Variants in EFL1 observed in about 807,000 individuals in gnomAD.
EFL1 encodes elongation factor-like GTPase 1.
In EFL1, 76 loss-of-function variants were observed where a neutral mutation model predicts 126.7. That is an observed-to-expected ratio of 0.60 (90% CI 0.50 to 0.73). The LOEUF is 0.73. EFL1 is among the 30% of genes least tolerant of loss of function. The pLI is 0.00. For missense variants in EFL1, 1,128 were observed against 1,343.2 expected (o/e 0.84, Z 2.50); for synonymous variants, 410 against 448.4 (o/e 0.91, Z 1.08).
rs766493058 is a variant in EFL1, at chr15:82,261,700, G to A, written c.79C>T (p.His27Tyr). The change falls in exon 2 of 20, where the codon CAT (histidine) becomes TAT (tyrosine). Residue 27 changes from histidine (H) to tyrosine (Y), a missense_variant. This residue lies in a region of EFL1 where 118 missense variants were observed against 188.1 expected (regional missense o/e 0.63). Transcript: ENST00000268206. The stretch of plus-strand genomic sequence containing the variant: ...AAAGTATTCTTACCATGGTCAACAT[G>A]AGCCAAAACACAAATATTCCTGATG... ...ANIRNICVLA[H>Y]VDHGKTTLAD... 1 of 1,613,902 alleles carries A rather than the reference G, an allele frequency of 6.2e-7. No individual in the cohort carries two copies. The highest frequency in any genetic ancestry group is 8.5e-7 in the Non-Finnish European group (1 of 1,179,972).
intron 15 of EFL1, among the ~76,000 whole-genome samples, chr15:82,185,161 A>C (rs1453833842): frequency 7.3e-6 from 1 of 136,788 alleles, no homozygotes; most frequent in African/African-American, 2.7e-5. Context: ...GGAATGTTTC[A>C]TGTGTGGCTG....
intron 4 of EFL1, among the ~76,000 whole-genome samples, chr15:82,244,847 G>A (rs537954756): frequency 6.6e-6 from 1 of 152,166 alleles, no homozygotes; most frequent in East Asian, 1.9e-4. Flanking sequence ...CCAAAACACT[G>A]GAAATGCTCA....
Position 82,183,928 on chromosome 15 carries a change from C to A in EFL1, c.1751-19944G>T, listed in dbSNP as rs548801171. ...GTATGTATTAGTAATAGAGGGCTCA[C>A]CTTTCAACAGTGGCTAGAACTGGTC... On this transcript the variant is annotated intron_variant, in intron 15 of 19. Coordinates refer to ENST00000268206, the MANE Select transcript of EFL1 (RefSeq NM_024580.6). 7.9e-5 allele frequency among the ~76,000 whole-genome samples: 12 copies of A among 152,274 alleles called. No individual in the cohort carries two copies. In the South Asian group the frequency reaches 2.3e-3, roughly 29 times the overall value.
chr15:82,259,613 C>T (rs1273650826), intron 2 of EFL1, among the ~76,000 whole-genome samples: 2 of 152,096 alleles, frequency 1.3e-5, no homozygotes, highest in Non-Finnish European at 1.5e-5. Context: ...AAATCTAAAC[C>T]TAGGAATCTA....
chr15:82,218,816 A>G (rs1267078800), intron 14 of EFL1, among the ~76,000 whole-genome samples: 1 of 152,234 alleles, frequency 6.6e-6, no homozygotes, highest in Non-Finnish European at 1.5e-5. Flanking sequence ...AACTCATGGA[A>G]TAAGCATTCA....
chr15:82,219,929 AAAAAG>A (rs1421723751), intron 13 of EFL1, 111 bp from the exon 14 acceptor site: 2 of 1,492,276 alleles, frequency 1.3e-6, no homozygotes, highest in Non-Finnish European at 1.8e-6. Context: ...TTTCAGGAAA[AAAAAG>A]AAAACAAAAC....
chr15:82,131,960 G>C (rs1333912834), intron 19 of EFL1, among the ~76,000 whole-genome samples: 2 of 152,146 alleles, frequency 1.3e-5, no homozygotes, highest in Non-Finnish European at 2.9e-5. Context: ...AGTATGTATA[G>C]GGTATATCTA....
chr15:82,174,924 T>C (rs1208576943), intron 15 of EFL1, among the ~76,000 whole-genome samples: 1 of 152,252 alleles, frequency 6.6e-6, no homozygotes, highest in Non-Finnish European at 1.5e-5. Context: ...TACACTCTAG[T>C]ACACTATGAT....
At chr15:82,170,899 A>T (rs898254505) in intron 15 of EFL1, among the ~76,000 whole-genome samples, 1 of 152,190 alleles carries the variant, frequency 6.6e-6, no homozygotes, top group East Asian at 1.9e-4. Context: ...TTCCAATTCA[A>T]ATGACTTAAA....
intron 15 of EFL1, among the ~76,000 whole-genome samples, chr15:82,182,113 C>T (rs1305682991): frequency 6.6e-6 from 1 of 152,064 alleles, no homozygotes; most frequent in Non-Finnish European, 1.5e-5. Flanking sequence ...CAAAAATTAG[C>T]CAGCTGTGGT....
chr15:82,158,157 T>C (rs2073986786), intron 16 of EFL1, among the ~76,000 whole-genome samples: 1 of 152,210 alleles, frequency 6.6e-6, no homozygotes, highest in Non-Finnish European at 1.5e-5. Flanking sequence ...TGAATTCACC[T>C]AAATCTTATA....
Position 82,240,390 on chromosome 15 carries a change from A to C in EFL1, c.516+28T>G, listed in dbSNP as rs72749600. 8.1e-3 allele frequency: 12,462 copies of C among 1,544,834 alleles called. 77 individuals are homozygous for C. The highest frequency in any genetic ancestry group is 8.6e-3 in the Non-Finnish European group (9,804 of 1,144,506). On this transcript the variant is annotated intron_variant, in intron 6 of 19. Coordinates refer to ENST00000268206, the MANE Select transcript of EFL1 (RefSeq NM_024580.6). ...CCTTACAACTCTTCTTCGTGGCTAA[A>C]TTTTTTAAATACTAAAAATTAAAAT...
At chr15:82,251,178 C>T (rs2075018007) in intron 4 of EFL1, among the ~76,000 whole-genome samples, 1 of 152,106 alleles carries the variant, frequency 6.6e-6, no homozygotes, top group African/African-American at 2.4e-5. Context: ...TGCCACTGCA[C>T]TCCAGCCTGG....
intron 15 of EFL1, among the ~76,000 whole-genome samples, chr15:82,207,710 T>C (rs1303200694): frequency 1.5e-5 from 2 of 136,896 alleles, no homozygotes; most frequent in African/African-American, 6.0e-5. Context: ...TTGAGAATAA[T>C]TGATTGATTG....
rs946332125 is a variant in EFL1, at chr15:82,134,240, G to A, written c.3175-3679C>T. On this transcript the variant is annotated intron_variant, in intron 19 of 19. Transcript: ENST00000268206. The stretch of plus-strand genomic sequence containing the variant: ...GAGATGGAGTAACACTCGAGTGCTC[G>A]AGGCTGGTTTTGAATTTCCTTAGTG... Among the ~76,000 whole-genome samples the A allele has an allele frequency of 1.4e-4, 21 of 152,128 alleles. No individual in the cohort carries two copies. In the South Asian group the frequency reaches 1.5e-3, roughly 11 times the overall value.
intron 6 of EFL1, among the ~76,000 whole-genome samples, chr15:82,239,511 C>A (rs2141325477): frequency 6.6e-6 from 1 of 152,258 alleles, no homozygotes; most frequent in African/African-American, 2.4e-5. Context: ...TTGTTTCCTG[C>A]CTTTAACAAA....
intron 15 of EFL1, among the ~76,000 whole-genome samples, chr15:82,178,766 C>T (rs928028402): frequency 6.6e-6 from 1 of 152,164 alleles, no homozygotes; most frequent in Admixed American, 6.5e-5. Flanking sequence ...TCTGGACATG[C>T]CCCTCCTCTG....
At chr15:82,175,821 A>C (rs1352324740) in intron 15 of EFL1, among the ~76,000 whole-genome samples, 3 of 152,236 alleles carry the variant, frequency 2.0e-5, no homozygotes, top group Non-Finnish European at 4.4e-5. Flanking sequence ...TACATCTTAA[A>C]AACTGAATTT....
intron 4 of EFL1, among the ~76,000 whole-genome samples, chr15:82,249,173 G>A (rs576880115): frequency 6.6e-6 from 1 of 152,020 alleles, no homozygotes; most frequent in East Asian, 1.9e-4. Flanking sequence ...GCCAGGTGTG[G>A]TGGCTCACAA....
Sources: allele counts gnomAD v4.1 joint callset (sites outside exome capture counted in the v4.1 genomes callset), GRCh38; gene constraint gnomAD v4.1.1; regional missense constraint gnomAD v4.1.1; transcripts MANE v1.5; gene names NCBI Gene and HGNC (gene_info 2026-07-23, HGNC 2026-07-21).